Variants in NAV3 observed in about 807,000 individuals in gnomAD.
NAV3 encodes neuron navigator 3.
Under a neutral mutation model 244.7 loss-of-function variants are expected in NAV3, and 87 were observed. That is an observed-to-expected ratio of 0.36 (90% confidence interval 0.30 to 0.42). NAV3 has a LOEUF of 0.42. Ranked by LOEUF, NAV3 falls within the 20% of genes least tolerant of loss-of-function variation. The pLI is 1.00. For missense variants in NAV3, 2,663 were observed against 2,893.3 expected, an observed-to-expected ratio of 0.92 and a Z score of 1.83; for synonymous variants, 1,126 against 1,042.2, an observed-to-expected ratio of 1.08 and a Z score of -1.55.
chr12:78,155,382 C>T (rs1957262842), intron 22 of NAV3, among the ~76,000 whole-genome samples: 1 of 152,112 alleles, frequency 6.6e-6, no homozygotes. Flanking sequence ...CATAGTATTC[C>T]ATGGTGTATA....
At chr12:78,111,288 T>A (rs907393684) in intron 12 of NAV3, among the ~76,000 whole-genome samples, 2 of 152,078 alleles carry the variant, frequency 1.3e-5, no homozygotes, top group Admixed American at 1.3e-4. Flanking sequence ...TCACTGACAA[T>A]GTTAACTCAG....
chr12:77,820,912 A>C (rs559423449), intron 2 of NAV3, among the ~76,000 whole-genome samples: 5 of 152,266 alleles, frequency 3.3e-5, no homozygotes, highest in African/African-American at 1.2e-4. Flanking sequence ...ATAATAGAAG[A>C]GTCATAATCA....
At chr12:77,769,282 C>T (rs1268121343) in intron 2 of NAV3, among the ~76,000 whole-genome samples, 1 of 152,178 alleles carries the variant, frequency 6.6e-6, no homozygotes, top group Non-Finnish European at 1.5e-5. Flanking sequence ...TGATATAAAG[C>T]TCAGCCAAAT....
intron 9 of NAV3, among the ~76,000 whole-genome samples, chr12:78,043,712 T>C (rs1439075733): frequency 6.6e-6 from 1 of 152,228 alleles, no homozygotes; most frequent in Non-Finnish European, 1.5e-5. Context: ...CATATGTTTG[T>C]TGGCTGCATA....
At chr12:78,035,362 G>A (rs780805098) in intron 9 of NAV3, among the ~76,000 whole-genome samples, 4 of 152,090 alleles carry the variant, frequency 2.6e-5, no homozygotes, top group Non-Finnish European at 4.4e-5. Flanking sequence ...ATACTGAAAG[G>A]TCGATAGTCT....
intron 2 of NAV3, among the ~76,000 whole-genome samples, chr12:77,652,166 T>C (rs186033938): frequency 6.6e-6 from 1 of 152,312 alleles, no homozygotes; most frequent in Admixed American, 6.5e-5. Flanking sequence ...CTCAGAACAG[T>C]ATTTAACAAA....
At chr12:78,084,086 G>T (rs1369010245) in intron 12 of NAV3, among the ~76,000 whole-genome samples, 1 of 152,174 alleles carries the variant, frequency 6.6e-6, no homozygotes, top group Non-Finnish European at 1.5e-5. Flanking sequence ...TTCATGACTA[G>T]TAATCTCAAG....
chr12:77,780,926 A>G (rs1164384956), intron 2 of NAV3, among the ~76,000 whole-genome samples: 1 of 152,188 alleles, frequency 6.6e-6, no homozygotes, highest in Non-Finnish European at 1.5e-5. Flanking sequence ...ATGGAAATTG[A>G]GAATTGTATC....
chr12:78,036,555 A>AGAC, intron 9 of NAV3: 1 of 232,650 alleles, frequency 4.3e-6, no homozygotes. Flanking sequence ...GATTGGATGA[A>AGAC]GACGGGCAAA....
chr12:77,993,598 T>G (rs1336547843), intron 5 of NAV3, among the ~76,000 whole-genome samples: 1 of 152,188 alleles, frequency 6.6e-6, no homozygotes, highest in African/African-American at 2.4e-5. Context: ...TATATTTCCC[T>G]CAAGCCAGGC....
chr12:78,127,266 C>A, intron 17 of NAV3, 58 bp downstream of exon 17: 2 of 1,500,522 alleles, frequency 1.3e-6, no homozygotes, highest in African/African-American at 1.4e-5. Context: ...ACTTTGTGTG[C>A]TGTCTCTCTT....
intron 2 of NAV3, among the ~76,000 whole-genome samples, chr12:77,701,631 C>T (rs1875568153): frequency 6.6e-6 from 1 of 151,796 alleles, no homozygotes; most frequent in African/African-American, 2.4e-5. Context: ...TATAAATTTT[C>T]CATAAACGCT....
At chr12:77,976,172 A>G (rs1868354617) in intron 5 of NAV3, among the ~76,000 whole-genome samples, 1 of 152,202 alleles carries the variant, frequency 6.6e-6, no homozygotes, top group South Asian at 2.1e-4. Context: ...AAGGTCAGAT[A>G]TTCACTTATT....
rs74377206 is a variant in NAV3 at position 77,791,078 on chromosome 12, G to A, written c.73-149241G>A. On this transcript the variant is annotated intron_variant, in intron 2 of 8. Transcript: ENST00000550042. ...CAATAAAAATATTTTCCATTTGGCCGGGCGCGGTGGCTCATGCCTGTAGTC... is the reference window on the plus strand; with the variant it reads ...CAATAAAAATATTTTCCATTTGGCCAGGCGCGGTGGCTCATGCCTGTAGTC... Among the ~76,000 whole-genome samples the A allele has an allele frequency of 3.3e-3, 500 of 152,180 alleles. 5 individuals are homozygous for A. The highest frequency in any genetic ancestry group is 0.017 in the Middle Eastern group (5 of 294).
intron 25 of NAV3, among the ~76,000 whole-genome samples, chr12:78,175,664 C>A (rs1449918553): frequency 6.6e-6 from 1 of 151,736 alleles, no homozygotes; most frequent in Non-Finnish European, 1.5e-5. Context: ...TTTTGAGGGG[C>A]CTGAATTTTC....
intron 1 of NAV3, among the ~76,000 whole-genome samples, chr12:77,846,779 C>G (rs2136214328): frequency 6.6e-6 from 1 of 152,160 alleles, no homozygotes; most frequent in South Asian, 2.1e-4. Flanking sequence ...TTAGAAGTAG[C>G]TTCTTCAGAG....
chr12:77,655,762 G>C (rs915885718), intron 2 of NAV3, among the ~76,000 whole-genome samples: 1 of 152,140 alleles, frequency 6.6e-6, no homozygotes, highest in African/African-American at 2.4e-5. Context: ...AGATCTGTTG[G>C]CAGAAACTCT....
At chr12:78,066,233 T>G (rs189237731) in intron 12 of NAV3, among the ~76,000 whole-genome samples, 82 of 152,188 alleles carry the variant, frequency 5.4e-4, no homozygotes, top group Middle Eastern at 6.8e-3. Context: ...AACATTACCT[T>G]GAAGTCCCTG....
At chr12:77,887,583 G>A (rs915844135) in intron 1 of NAV3, among the ~76,000 whole-genome samples, 1 of 152,052 alleles carries the variant, frequency 6.6e-6, no homozygotes, top group African/African-American at 2.4e-5. Context: ...TATGTGATTA[G>A]CATTTTGCAA....
Sources: gnomAD v4.1 joint callset for allele counts (sites outside exome capture counted in the v4.1 genomes callset) on GRCh38, gnomAD v4.1.1 for gene constraint, MANE v1.5 for transcripts, NCBI Gene and HGNC (gene_info 2026-07-23, HGNC 2026-07-21) for gene names.